The following CEACAM20 variants were observed in gnomAD, a reference collection of about 807,000 sequenced individuals.
CEACAM20 encodes the protein cell adhesion molecule CEACAM20.
In CEACAM20, 50 loss-of-function variants were observed where a neutral mutation model predicts 61.2. The observed-to-expected ratio is 0.82, with a 90% CI of 0.65 to 1.03. The LOEUF (loss-of-function observed/expected upper bound fraction) is 1.03. Ranked by LOEUF, CEACAM20 falls within the 50% of genes least tolerant of loss-of-function variation. CEACAM20 has a pLI of 0.00. For missense variants in CEACAM20, 683 were observed against 736.4 expected (o/e 0.93, Z 0.84); for synonymous variants, 282 against 287.7 (o/e 0.98, Z 0.20).
intron 2 of CEACAM20, among the ~76,000 whole-genome samples, chr19:44,524,682 C>T (rs1971474039): frequency 6.6e-6 from 1 of 152,030 alleles, no homozygotes; most frequent in African/African-American, 2.4e-5. Context: ...TGGGCTCAAG[C>T]GATCCTCCCA....
chr19:44,517,645 C>T (rs1004353776), intron 5 of CEACAM20, among the ~76,000 whole-genome samples: 7 of 146,768 alleles, frequency 4.8e-5, no homozygotes, highest in African/African-American at 1.8e-4. Context: ...TGCAGTGAGC[C>T]AAGCTCATGC....
At chr19:44,517,493 C>A (rs1267818747) in intron 5 of CEACAM20, among the ~76,000 whole-genome samples, 1 of 151,764 alleles carries the variant, frequency 6.6e-6, no homozygotes, top group African/African-American at 2.4e-5. Flanking sequence ...GTCAGGAGAT[C>A]GAGACCATTC....
At chr19:44,515,815 A>G (rs1410701647) in intron 6 of CEACAM20, among the ~76,000 whole-genome samples, 1 of 152,074 alleles carries the variant, frequency 6.6e-6, no homozygotes, top group Non-Finnish European at 1.5e-5. Flanking sequence ...AAATATAAAT[A>G]AAAAACTAGC....
chr19:44,512,805 G>A (rs556065734), intron 8 of CEACAM20, 63 bp downstream of exon 8: 1 of 1,391,278 alleles, frequency 7.2e-7, no homozygotes, highest in Non-Finnish European at 1.0e-6. Flanking sequence ...GGAGCCCCCA[G>A]CACCAGCCTC....
In CEACAM20 at chr19:44,509,415, A is replaced by T. The variant is rs1225898502; in HGVS notation, c.1737+1615T>A. ...GAATGCCATGGAATATAAAATAATG[A>T]AATGAAATGAAACTGAAATCAATGG... On this transcript the variant is annotated intron_variant, in intron 11 of 11. Transcript: ENST00000614924. Among the ~76,000 whole-genome samples the T allele has an allele frequency of 1.3e-5, 2 of 152,120 alleles. 1 individual carries two copies. The highest frequency in any genetic ancestry group is 4.8e-5 in the African/African-American group (2 of 41,446).
chr19:44,523,478 C>T (rs1185293410), intron 3 of CEACAM20, among the ~76,000 whole-genome samples: 1 of 152,094 alleles, frequency 6.6e-6, no homozygotes, highest in Admixed American at 6.5e-5. Context: ...TCTTTGCTCA[C>T]CCCTATCCAG....
At chr19:44,516,746 A>G (rs1020289526) in intron 6 of CEACAM20, among the ~76,000 whole-genome samples, 200 bp downstream of exon 6, 1 of 152,232 alleles carries the variant, frequency 6.6e-6, no homozygotes, top group Non-Finnish European at 1.5e-5. Context: ...AGAGTTTTCC[A>G]GGGAACACAG....
At chr19:44,520,842 G>C (rs1365646331) in intron 4 of CEACAM20, 90 bp from the exon 5 acceptor site, 3 of 1,113,998 alleles carry the variant, frequency 2.7e-6, no homozygotes, top group Non-Finnish European at 3.6e-6. Context: ...CCAGGAGTGC[G>C]TGCGTGTGTG....
intron 11 of CEACAM20, among the ~76,000 whole-genome samples, chr19:44,510,584 GAAAGAAAGAAAGAAAGAAAGAAAGAAA>G (rs1970953304): frequency 4.0e-4 from 19 of 47,636 alleles, no homozygotes; most frequent in African/African-American, 1.9e-3. Context: ...AAGAAAGAAA[GAAAGAAAGAAAGAAAGAAAGAAAGAAA>G]AAGGAAGGAA....
chr19:44,525,293 G>A (rs769489655), intron 1 of CEACAM20, 49 bp from the exon 2 acceptor site: 1 of 1,518,832 alleles, frequency 6.6e-7, no homozygotes, highest in Non-Finnish European at 8.8e-7. Context: ...TGTGTTGGGG[G>A]TTGCCCGGCT....
chr19:44,520,361 G>A lies in CEACAM20; in HGVS notation c.1030+113C>T, dbSNP rs1971316106. 4 of 1,394,472 alleles carry A rather than the reference G, an allele frequency of 2.9e-6. No individual in the cohort carries two copies. The Admixed American group carries it at 6.6e-5, about 23-fold the overall frequency. 86.4% of individuals were successfully genotyped at this position (1,394,472 alleles called of 1,614,324 possible). A position where few individuals can be genotyped will look rare whatever the true frequency, so the allele number is the denominator to read the frequency against. ...GGCCCTGTCCAGTGCCCAGATTCATGCCTGACACAGAGCAGGAGCTCAATA... is the reference window on the plus strand; with the variant it reads ...GGCCCTGTCCAGTGCCCAGATTCATACCTGACACAGAGCAGGAGCTCAATA... On this transcript the variant is annotated intron_variant, in intron 5 of 11. Coordinates refer to ENST00000614924, the MANE Select transcript of CEACAM20 (RefSeq NM_001102597.3).
At position 44,522,819 on chromosome 19, in the gene CEACAM20, G is replaced by A. The variant is rs374925599; in HGVS notation, c.566C>T (p.Ala189Val). Residue 189 changes from alanine to valine, a missense_variant, in exon 4 of 12, where the codon GCG (alanine) becomes GTG (valine). Physicochemically the swap from Ala to Val is moderately conservative, Grantham distance 64. Transcript: ENST00000614924. ...VMEGSSMTFL[A>V]ETKSHPPCAY... ...ACAGGGTGGGTGAGACTTTGTTTCC[G>A]CTAAGAAGGTCATGCTGGAGCCCTC... 4.6e-5 allele frequency: 74 copies of A among 1,612,956 alleles called. No homozygotes were observed. The highest frequency in any genetic ancestry group is 3.3e-4 in the Middle Eastern group (2 of 6,062).
chr19:44,528,712 CTT>C (rs1406970158), intron 1 of CEACAM20, among the ~76,000 whole-genome samples: 6 of 151,956 alleles, frequency 3.9e-5, no homozygotes, highest in South Asian at 4.2e-4. Flanking sequence ...GTCTTTCTCT[CTT>C]GTCTCTGGTC....
intron 1 of CEACAM20, among the ~76,000 whole-genome samples, chr19:44,526,809 G>A (rs185303506): frequency 6.6e-6 from 1 of 152,056 alleles, no homozygotes; most frequent in Non-Finnish European, 1.5e-5. Context: ...AGGAGGAAGA[G>A]GTTGTCGTGA....
chr19:44,510,623 G>GAAGA (rs1568446494), intron 11 of CEACAM20, among the ~76,000 whole-genome samples: 1 of 90,148 alleles, frequency 1.1e-5, no homozygotes, highest in African/African-American at 4.8e-5. Flanking sequence ...AGGAAGGAAG[G>GAAGA]AAGAAAGAAA....
In CEACAM20 at chr19:44,518,577, T is replaced by TA. The variant is rs908123692; in HGVS notation, c.1031-1354dup. Among the ~76,000 whole-genome samples, 420 of 146,942 alleles carry TA rather than the reference T, an allele frequency of 2.9e-3. 1 individual carries two copies. Among genetic ancestry groups the TA allele is most frequent in the Non-Finnish European group, 4.1e-3 (273 of 66,218 alleles). On this transcript the variant is annotated intron_variant, in intron 5 of 11. Coordinates refer to ENST00000614924, the MANE Select transcript of CEACAM20 (RefSeq NM_001102597.3). The stretch of plus-strand genomic sequence containing the variant: ...AACATAGTAAGACCCTGTCTCTATT[T>TA]AAAAAAAAAAACCTAAAAGAGTTTA...
intron 5 of CEACAM20, among the ~76,000 whole-genome samples, chr19:44,518,496 T>C (rs987122291): frequency 6.6e-6 from 1 of 152,042 alleles, no homozygotes; most frequent in Admixed American, 6.6e-5. Flanking sequence ...CCCAGCACTT[T>C]GGGAGGCTGA....
intron 5 of CEACAM20, among the ~76,000 whole-genome samples, chr19:44,519,529 C>T (rs556127124): frequency 6.6e-6 from 1 of 152,270 alleles, no homozygotes; most frequent in East Asian, 1.9e-4. Flanking sequence ...ACCTCTTCTC[C>T]CCCAATCTTC....
intron 2 of CEACAM20, among the ~76,000 whole-genome samples, 167 bp downstream of exon 2, chr19:44,524,934 C>T (rs1354015701): frequency 1.3e-5 from 2 of 152,146 alleles, no homozygotes; most frequent in African/African-American, 2.4e-5. Context: ...CAGCCACAGC[C>T]CTCCCTCTTT....
Sources: gnomAD v4.1 joint callset for allele counts (sites outside exome capture counted in the v4.1 genomes callset) on GRCh38, gnomAD v4.1.1 for gene constraint, MANE v1.5 for transcripts, NCBI Gene and HGNC (gene_info 2026-07-23, HGNC 2026-07-21) for gene names.